Variants in ACBD6 observed in about 807,000 individuals in gnomAD.
The protein encoded by ACBD6 is acyl-CoA-binding domain-containing protein 6.
A neutral mutation model predicts 37.2 loss-of-function variants in ACBD6; 28 were observed. That is an observed-to-expected ratio of 0.75 (90% CI 0.56 to 1.03). The LOEUF is 1.03. Among genes scored for constraint, ACBD6 ranks in the 50% least tolerant of loss-of-function variants. ACBD6 has a pLI of 0.00. For synonymous variants in ACBD6, 113 were observed against 126.8 expected (o/e 0.89, Z 0.73); for missense variants, 340 against 337.4 (o/e 1.01, Z -0.06).
chr1:180,367,148 A>G (rs1653082324), intron 6 of ACBD6, among the ~76,000 whole-genome samples: 1 of 152,238 alleles, frequency 6.6e-6, no homozygotes, highest in African/African-American at 2.4e-5. Context: ...CTGGTTTAAT[A>G]ATCTTTGTTC....
intron 4 of ACBD6, among the ~76,000 whole-genome samples, chr1:180,416,393 A>G (rs919455502): frequency 6.6e-6 from 1 of 152,192 alleles, no homozygotes; most frequent in Non-Finnish European, 1.5e-5. Flanking sequence ...ATGCAAATGA[A>G]TCCAACCATT....
At position 180,481,415 on chromosome 1, in the gene ACBD6, G is replaced by A. The variant is rs116781064; in HGVS notation, c.384+10854C>T. 3.5e-3 allele frequency among the ~76,000 whole-genome samples: 534 copies of A among 151,870 alleles called. 3 individuals are homozygous for A. Among genetic ancestry groups the A allele is most frequent in the African/African-American group, 0.012 (513 of 41,486 alleles). On this transcript the variant is annotated intron_variant, in intron 3 of 7. Coordinates refer to ENST00000367595, the MANE Select transcript of ACBD6 (RefSeq NM_032360.4). ...TCATCAACACAGGCTGAAACTTGGG[G>A]CAAAAAAATACTTAATCATGCAGAC...
chr1:180,501,911 AAAAAAAAC>A, intron 1 of ACBD6, 126 bp downstream of exon 1: 2 of 875,628 alleles, frequency 2.3e-6, no homozygotes, highest in Non-Finnish European at 3.6e-6. Flanking sequence ...TGGTCAAAAA[AAAAAAAAC>A]AAAACAAAAT....
intron 6 of ACBD6, among the ~76,000 whole-genome samples, chr1:180,397,297 A>G (rs780979630): frequency 6.6e-6 from 1 of 152,026 alleles, no homozygotes; most frequent in East Asian, 1.9e-4. Flanking sequence ...GGGGAGAAAT[A>G]AAAAAAATGT....
In ACBD6 at chr1:180,502,329, G is replaced by A. The variant is rs1652019625; in HGVS notation, c.-63C>T. On this transcript the variant is annotated 5_prime_UTR_variant, in exon 1 of 8. Transcript: ENST00000367595. ...TCCTCCTTGGATTGGGTGTAAGGCC[G>A]GCTTGGAGGCCTGGCCCACCAGTCT... The A allele has an allele frequency of 2.6e-6, 4 of 1,561,942 alleles. No homozygotes were observed. The African/African-American group carries it at 4.1e-5, about 16-fold the overall frequency.
downstream of ACBD6, chr1:180,287,145 A>C (rs1198345958): frequency 6.6e-6 from 1 of 152,108 alleles, no homozygotes; most frequent in Non-Finnish European, 1.5e-5. Context: ...AGTGGCTCAC[A>C]CCTGTAATCT....
chr1:180,401,658 G>A (rs67621570), intron 5 of ACBD6, among the ~76,000 whole-genome samples: 15,750 of 151,550 alleles, frequency 0.1, 1,172 homozygotes, highest in African/African-American at 0.2. Flanking sequence ...GGTGGTGCGC[G>A]TGCCTGTAAT....
chr1:180,297,003 C>T (rs1571329102), intron 7 of ACBD6, among the ~76,000 whole-genome samples: 1 of 151,944 alleles, frequency 6.6e-6, no homozygotes, highest in Admixed American at 6.6e-5. Flanking sequence ...GCTTGTGCTT[C>T]TTTTGTTAGG....
intron 6 of ACBD6, among the ~76,000 whole-genome samples, chr1:180,392,262 G>GAT (rs1558279845): frequency 4.6e-5 from 3 of 64,854 alleles, no homozygotes; most frequent in Admixed American, 3.0e-4. Context: ...TATGTGTATA[G>GAT]ATGTGTGTGT....
chr1:180,379,658 A>C (rs1653567016), intron 6 of ACBD6, among the ~76,000 whole-genome samples: 1 of 152,178 alleles, frequency 6.6e-6, no homozygotes. Flanking sequence ...ACAGAAGAAA[A>C]AAAATCTCAG....
At chr1:180,500,632 T>G (rs146709640) in intron 1 of ACBD6, among the ~76,000 whole-genome samples, 37 of 149,604 alleles carry the variant, frequency 2.5e-4, no homozygotes, top group African/African-American at 8.6e-4. Context: ...AGGTAGAGGT[T>G]GCAGTGAGCT....
intron 6 of ACBD6, among the ~76,000 whole-genome samples, chr1:180,333,234 TA>T (rs138788320): frequency 2.6e-5 from 4 of 151,278 alleles, no homozygotes; most frequent in African/African-American, 7.3e-5. Flanking sequence ...TTTTCCAGAT[TA>T]AAAAAAAACA....
At chr1:180,284,365 CTTT>C (rs774639942), downstream of ACBD6, among the ~76,000 whole-genome samples, 1 of 143,746 alleles carries the variant, frequency 7.0e-6, no homozygotes. Context: ...GTATTAAGGT[CTTT>C]TTTTTTTTTT....
intron 4 of ACBD6, among the ~76,000 whole-genome samples, chr1:180,423,147 T>G (rs967833949): frequency 2.0e-5 from 3 of 152,228 alleles, no homozygotes; most frequent in African/African-American, 7.2e-5. Context: ...TTCTTAATTT[T>G]TTGGATATTT....
At chr1:180,361,947 A>G (rs1652870363) in intron 6 of ACBD6, among the ~76,000 whole-genome samples, 1 of 152,132 alleles carries the variant, frequency 6.6e-6, no homozygotes, top group Non-Finnish European at 1.5e-5. Context: ...AGTACTGCCA[A>G]CCACAAAATG....
At chr1:180,458,289 G>A (rs1258122470) in intron 3 of ACBD6, among the ~76,000 whole-genome samples, 1 of 152,172 alleles carries the variant, frequency 6.6e-6, no homozygotes. Flanking sequence ...CATAATTTAT[G>A]TTAAGAAATA....
chr1:180,367,621 TATAA>T (rs1295366362), intron 6 of ACBD6, among the ~76,000 whole-genome samples: 1 of 152,204 alleles, frequency 6.6e-6, no homozygotes, highest in Non-Finnish European at 1.5e-5. Context: ...AGCTCCCACT[TATAA>T]ATGAGAACGT....
chr1:180,401,707 G>C lies in ACBD6; in HGVS notation c.574-4102C>G, dbSNP rs112793790. Among the ~76,000 whole-genome samples, 1,043 of 150,516 alleles carry C rather than the reference G, an allele frequency of 6.9e-3. 8 individuals carry two copies. Among genetic ancestry groups the C allele is most frequent in the Non-Finnish European group, 0.013 (880 of 67,758 alleles). On this transcript the variant is annotated intron_variant, in intron 5 of 7. Transcript: ENST00000367595. ...GAGGGTGAAGGCAGGAGAATCGCCT[G>C]AACCTGGGAGGTGGAGGTTGCAGTG...
At chr1:180,432,418 T>A (rs1478036871) in intron 3 of ACBD6, among the ~76,000 whole-genome samples, 2 of 151,872 alleles carry the variant, frequency 1.3e-5, no homozygotes, top group East Asian at 3.9e-4. Context: ...AGAAAATAAG[T>A]TACCCAATGA....
Sources: gnomAD v4.1 joint callset for allele counts (sites outside exome capture counted in the v4.1 genomes callset) on GRCh38, gnomAD v4.1.1 for gene constraint, MANE v1.5 for transcripts, NCBI Gene and HGNC (gene_info 2026-07-23, HGNC 2026-07-21) for gene names.